Variants in KIF26B observed in about 807,000 individuals in gnomAD.
KIF26B encodes kinesin family member 26B, also known as kinesin-like protein KIF26B.
A neutral mutation model predicts 151.2 loss-of-function variants in KIF26B; 63 were observed. The ratio of observed to expected loss-of-function variants is 0.42; its 90% confidence interval spans 0.34 to 0.51. KIF26B has a LOEUF of 0.51. Ranked by LOEUF, KIF26B falls within the 20% of genes least tolerant of loss-of-function variation. The pLI is 0.07. For synonymous variants in KIF26B, 1,357 were observed against 1,262.1 expected, an observed-to-expected ratio of 1.08 and a Z score of -1.59; for missense variants, 2,813 against 2,913.6, an observed-to-expected ratio of 0.97 and a Z score of 0.79.
intron 3 of KIF26B, among the ~76,000 whole-genome samples, chr1:245,415,518 T>C (rs1452113388): frequency 1.3e-5 from 2 of 152,102 alleles, no homozygotes; most frequent in Non-Finnish European, 2.9e-5. Context: ...CATACCAGTG[T>C]ATGCGGGAAA....
chr1:245,440,078 G>A (rs929346274), intron 4 of KIF26B, among the ~76,000 whole-genome samples: 5 of 152,064 alleles, frequency 3.3e-5, no homozygotes, highest in East Asian at 3.9e-4. Context: ...AAAATTAGCC[G>A]GGCGTGGTGG....
chr1:245,608,906 C>G (rs1311307868), intron 7 of KIF26B, among the ~76,000 whole-genome samples: 1 of 152,040 alleles, frequency 6.6e-6, no homozygotes, highest in African/African-American at 2.4e-5. Context: ...CATGCCCCAC[C>G]ACACCCAGAT....
At chr1:245,295,363 C>T (rs1671318841) in intron 2 of KIF26B, among the ~76,000 whole-genome samples, 1 of 152,154 alleles carries the variant, frequency 6.6e-6, no homozygotes, top group South Asian at 2.1e-4. Flanking sequence ...TTGTGTGATA[C>T]AGACGCAGGC....
intron 2 of KIF26B, among the ~76,000 whole-genome samples, chr1:245,203,255 A>AAAAAAAAAG (rs61541280): frequency 0.027 from 3,561 of 129,662 alleles, 294 homozygotes; most frequent in African/African-American, 0.055. Context: ...TCAAAAAAAA[A>AAAAAAAAAG]AAAAGAAAAT....
intron 10 of KIF26B, among the ~76,000 whole-genome samples, chr1:245,655,901 A>G (rs1323010198): frequency 1.3e-5 from 2 of 152,224 alleles, no homozygotes; most frequent in African/African-American, 4.8e-5. Context: ...CGTGATTCAT[A>G]ACATTTAACT....
chr1:245,680,210 G>A (rs576531761), intron 10 of KIF26B, among the ~76,000 whole-genome samples: 2 of 152,080 alleles, frequency 1.3e-5, no homozygotes, highest in East Asian at 3.9e-4. Flanking sequence ...TTACTTGGTT[G>A]TCTTTATTCC....
intron 2 of KIF26B, among the ~76,000 whole-genome samples, chr1:245,332,266 C>T (rs1672129484): frequency 6.6e-6 from 1 of 152,078 alleles, no homozygotes; most frequent in South Asian, 2.1e-4. Flanking sequence ...GTAGGCCAAC[C>T]TCTCTTTGAA....
At chr1:245,483,962 C>G (rs1660223093) in intron 4 of KIF26B, among the ~76,000 whole-genome samples, 2 of 151,888 alleles carry the variant, frequency 1.3e-5, no homozygotes, top group South Asian at 4.2e-4. Context: ...TTCCTTATGT[C>G]TTTATAAAAT....
intron 3 of KIF26B, among the ~76,000 whole-genome samples, chr1:245,409,115 G>T (rs1465228442): frequency 2.0e-5 from 3 of 152,184 alleles, no homozygotes; most frequent in Non-Finnish European, 4.4e-5. Context: ...ACATCACTGA[G>T]GAATAAGTAT....
At chr1:245,410,988 T>C (rs908950300) in intron 3 of KIF26B, among the ~76,000 whole-genome samples, 7 of 152,330 alleles carry the variant, frequency 4.6e-5, no homozygotes, top group Admixed American at 1.3e-4. Flanking sequence ...TCTGTATTAT[T>C]TTTAAATAAA....
intron 5 of KIF26B, among the ~76,000 whole-genome samples, chr1:245,547,530 A>T (rs1396034692): frequency 6.8e-6 from 1 of 146,546 alleles, no homozygotes; most frequent in Non-Finnish European, 1.5e-5. Context: ...AGTTGCAGTA[A>T]GCCAAGATCG....
At chr1:245,555,322 C>G (rs1661992867) in intron 5 of KIF26B, among the ~76,000 whole-genome samples, 1 of 152,174 alleles carries the variant, frequency 6.6e-6, no homozygotes, top group South Asian at 2.1e-4. Context: ...ATGAGAAGGT[C>G]ATGAGCGCCT....
intron 9 of KIF26B, among the ~76,000 whole-genome samples, chr1:245,616,927 C>A (rs1261271253): frequency 6.6e-6 from 1 of 152,144 alleles, no homozygotes; most frequent in Non-Finnish European, 1.5e-5. Flanking sequence ...GACACCGGGT[C>A]TCTGATTTGT....
At chr1:245,430,996 A>G (rs1008894909) in intron 4 of KIF26B, among the ~76,000 whole-genome samples, 1 of 152,198 alleles carries the variant, frequency 6.6e-6, no homozygotes, top group African/African-American at 2.4e-5. Context: ...CACTCAAGAA[A>G]TGTTTGTTGA....
chr1:245,535,909 T>C (rs1217019175), intron 4 of KIF26B, among the ~76,000 whole-genome samples: 1 of 152,228 alleles, frequency 6.6e-6, no homozygotes, highest in Non-Finnish European at 1.5e-5. Flanking sequence ...AAAAAGTAGG[T>C]ATTATTTTTG....
intron 2 of KIF26B, among the ~76,000 whole-genome samples, chr1:245,339,011 C>T (rs547945130): frequency 2.7e-5 from 4 of 148,328 alleles, no homozygotes; most frequent in African/African-American, 7.5e-5. Flanking sequence ...GACGTAATCT[C>T]GCTCTGTCCA....
chr1:245,444,575 G>C (rs1322207510), intron 4 of KIF26B, among the ~76,000 whole-genome samples: 10 of 152,256 alleles, frequency 6.6e-5, no homozygotes, highest in Non-Finnish European at 1.3e-4. Flanking sequence ...CTGAATTCTA[G>C]AGGTGGTGTT....
chr1:245,378,467 G>T (rs1673327400), intron 3 of KIF26B, among the ~76,000 whole-genome samples: 1 of 152,134 alleles, frequency 6.6e-6, no homozygotes, highest in Non-Finnish European at 1.5e-5. Context: ...ACAGGTGGGA[G>T]AGAAGATTGC....
chr1:245,508,106 A>G (rs1005287993), intron 4 of KIF26B, among the ~76,000 whole-genome samples: 1 of 152,224 alleles, frequency 6.6e-6, no homozygotes, highest in African/African-American at 2.4e-5. Context: ...GTGATGAAAC[A>G]CTTTAAAAAC....
Sources: allele counts gnomAD v4.1 joint callset (sites outside exome capture counted in the v4.1 genomes callset), GRCh38; gene constraint gnomAD v4.1.1; transcripts MANE v1.5; gene names NCBI Gene and HGNC (gene_info 2026-07-23, HGNC 2026-07-21).